Variants in POU2F1 observed in about 807,000 individuals in gnomAD.
POU2F1 encodes the protein POU class 2 homeobox 1, also known as POU domain, class 2, transcription factor 1.
In POU2F1, 16 loss-of-function variants were observed where a neutral mutation model predicts 84.9. The ratio of observed to expected loss-of-function variants is 0.19; its 90% CI spans 0.13 to 0.29. The LOEUF (loss-of-function observed/expected upper bound fraction) is 0.29. Ranked by LOEUF, POU2F1 falls within the 10% of genes least tolerant of loss-of-function variation. POU2F1 has a pLI of 1.00. For synonymous variants in POU2F1, 368 were observed against 368.3 expected (o/e 1.00, Z 0.01); for missense variants, 738 against 942.6 (o/e 0.78, Z 2.84).
chr1:167,304,628 G>A (rs990987377), intron 1 of POU2F1, among the ~76,000 whole-genome samples: 20 of 152,062 alleles, frequency 1.3e-4, no homozygotes, highest in African/African-American at 4.8e-4. Context: ...ATATTCCTCC[G>A]TAATGATTTT....
At chr1:167,331,073 C>G (rs990443247) in intron 1 of POU2F1, among the ~76,000 whole-genome samples, 1 of 152,044 alleles carries the variant, frequency 6.6e-6, no homozygotes, top group Admixed American at 6.6e-5. Flanking sequence ...ATTTAAATTT[C>G]TCTGGACAGT....
Position 167,376,067 on chromosome 1 carries a change from C to T in POU2F1, c.630C>T (p.Leu210=), listed in dbSNP as rs1660307595. The part of the protein sequence containing the change: ...QQLQQLQQQN[L]NLQQFVLVHP... Reference sequence around the variant, plus strand: ...TGCAACAGCTTCAACAGCAGAATCTCAACCTGCAACAGTTTGTGTTGGTGC... The same window carrying T: ...TGCAACAGCTTCAACAGCAGAATCTTAACCTGCAACAGTTTGTGTTGGTGC... The change falls in exon 7 of 16, where the codon CTC becomes CTT. Residue 210 remains leucine, a synonymous_variant. Transcript: ENST00000367866. 1 of 1,614,182 alleles carries T rather than the reference C, an allele frequency of 6.2e-7. No individual in the cohort carries two copies.
At chr1:167,292,796 GAC>G (rs1336985357) in intron 1 of POU2F1, among the ~76,000 whole-genome samples, 1 of 152,052 alleles carries the variant, frequency 6.6e-6, no homozygotes, top group Non-Finnish European at 1.5e-5. Flanking sequence ...ACATAAAAAA[GAC>G]AATCCACCAT....
intron 2 of POU2F1, among the ~76,000 whole-genome samples, chr1:167,337,291 A>G (rs935727660): frequency 6.6e-6 from 1 of 151,842 alleles, no homozygotes; most frequent in East Asian, 1.9e-4. Context: ...ACGCCACTGC[A>G]CTCCAGCCTG....
At chr1:167,221,241 C>G (rs961590534) in intron 1 of POU2F1, among the ~76,000 whole-genome samples, 2 of 151,316 alleles carry the variant, frequency 1.3e-5, no homozygotes, top group Non-Finnish European at 3.0e-5. Context: ...GTCTGCCCGT[C>G]GGCACCGGCC....
chr1:167,243,988 G>A (rs894478028), intron 1 of POU2F1, among the ~76,000 whole-genome samples: 8 of 152,244 alleles, frequency 5.3e-5, no homozygotes, highest in African/African-American at 1.9e-4. Flanking sequence ...AGTAGACTGT[G>A]CTGTGTCTGC....
chr1:167,401,540 G>C lies in POU2F1; in HGVS notation c.1539G>C (p.Thr513=). ...PVLPLTSAAV[T]NLSVTGTSDT... ...TCCCTCTGACCAGTGCTGCTGTGAC[G>C]AATCTTTCAGTTACAGGTAAGCAGC... Residue 513 remains threonine (T), a synonymous_variant, in exon 13 of 16, where the codon ACG becomes ACC. Coordinates refer to ENST00000367866, the MANE Select transcript of POU2F1 (RefSeq NM_002697.4). 1.9e-6 allele frequency: 3 copies of C among 1,605,384 alleles called. No individual in the cohort carries two copies. In the East Asian group the frequency reaches 6.8e-5, roughly 36 times the overall value.
At chr1:167,224,392 A>G (rs957663635) in intron 1 of POU2F1, among the ~76,000 whole-genome samples, 5 of 152,214 alleles carry the variant, frequency 3.3e-5, no homozygotes, top group Admixed American at 2.6e-4. Flanking sequence ...TTTAAGGTGG[A>G]AATGATAATG....
intron 7 of POU2F1, among the ~76,000 whole-genome samples, chr1:167,382,096 T>C (rs1647609158): frequency 6.6e-6 from 1 of 152,210 alleles, no homozygotes; most frequent in African/African-American, 2.4e-5. Context: ...TGTCATATAG[T>C]GCTCTGATAG....
intron 1 of POU2F1, among the ~76,000 whole-genome samples, chr1:167,296,004 A>G (rs2102549858): frequency 6.6e-6 from 1 of 151,484 alleles, no homozygotes; most frequent in East Asian, 1.9e-4. Context: ...TATTTGGTCT[A>G]AAAAGCATTA....
intron 13 of POU2F1, among the ~76,000 whole-genome samples, chr1:167,405,124 G>A (rs1024467639): frequency 1.3e-5 from 2 of 152,094 alleles, no homozygotes; most frequent in African/African-American, 4.8e-5. Flanking sequence ...GTTCCATTGT[G>A]TCTCAAAAAC....
intron 1 of POU2F1, among the ~76,000 whole-genome samples, chr1:167,243,114 C>G (rs1571150866): frequency 6.6e-6 from 1 of 152,200 alleles, no homozygotes; most frequent in Non-Finnish European, 1.5e-5. Flanking sequence ...ACTCATATCT[C>G]TGTTTTATAT....
intron 1 of POU2F1, among the ~76,000 whole-genome samples, chr1:167,240,292 A>G (rs1215489733): frequency 6.6e-6 from 1 of 152,240 alleles, no homozygotes; most frequent in Non-Finnish European, 1.5e-5. Context: ...TCTGCTGTAA[A>G]GACAGAACCT....
intron 1 of POU2F1, among the ~76,000 whole-genome samples, chr1:167,237,095 G>A (rs985747339): frequency 6.6e-6 from 1 of 152,148 alleles, no homozygotes; most frequent in Non-Finnish European, 1.5e-5. Context: ...TAAGGAGGAA[G>A]GTATCTAACT....
chr1:167,312,929 C>A (rs1191643618), intron 1 of POU2F1, among the ~76,000 whole-genome samples: 1 of 152,206 alleles, frequency 6.6e-6, no homozygotes, highest in Non-Finnish European at 1.5e-5. Flanking sequence ...AGTATTCACA[C>A]TAACATGCTG....
At chr1:167,386,430 C>T (rs947295944) in intron 8 of POU2F1, among the ~76,000 whole-genome samples, 2 of 152,202 alleles carry the variant, frequency 1.3e-5, no homozygotes, top group African/African-American at 2.4e-5. Flanking sequence ...AAGCAATCTG[C>T]GTGTCTTGGC....
chr1:167,259,836 G>C (rs73034568), intron 1 of POU2F1, among the ~76,000 whole-genome samples: 12,078 of 151,794 alleles, frequency 0.08, 1,550 homozygotes, highest in African/African-American at 0.27. Flanking sequence ...TTTCTTTATT[G>C]TTAATGATAT....
chr1:167,242,723 G>A (rs1650001072), intron 1 of POU2F1, among the ~76,000 whole-genome samples: 1 of 152,074 alleles, frequency 6.6e-6, no homozygotes, highest in South Asian at 2.1e-4. Flanking sequence ...GTTTTTACTA[G>A]CAAAGTAACA....
chr1:167,222,586 G>A (rs1648316185), intron 1 of POU2F1, among the ~76,000 whole-genome samples: 1 of 152,016 alleles, frequency 6.6e-6, no homozygotes. Flanking sequence ...AGTTGCCTAG[G>A]CCTCATGTTC....
Sources: allele counts gnomAD v4.1 joint callset (sites outside exome capture counted in the v4.1 genomes callset), GRCh38; gene constraint gnomAD v4.1.1; transcripts MANE v1.5; gene names NCBI Gene and HGNC (gene_info 2026-07-23, HGNC 2026-07-21).